Variants in USP6NL observed in about 807,000 individuals in gnomAD.
USP6NL encodes the protein USP6 N-terminal-like protein.
In USP6NL, 26 loss-of-function variants were observed where a neutral mutation model predicts 61.9. The observed-to-expected ratio is 0.42, with a 90% CI of 0.31 to 0.58. The LOEUF is 0.58. Ranked by LOEUF, USP6NL falls within the 20% of genes least tolerant of loss-of-function variation. USP6NL has a pLI of 0.16. For synonymous variants in USP6NL, 432 were observed against 390.1 expected (o/e 1.11, Z -1.27); for missense variants, 1,114 against 1,034.3 (o/e 1.08, Z -1.06).
In USP6NL at chr10:11,561,798, A is replaced by C. The variant is rs1176150311; in HGVS notation, c.5-34231T>G. Among the ~76,000 whole-genome samples the C allele has an allele frequency of 1.3e-5, 2 of 152,222 alleles. No homozygotes were observed. The highest frequency in any genetic ancestry group is 1.9e-4 in the East Asian group (1 of 5,202). On this transcript the variant is annotated intron_variant, in intron 2 of 14. Coordinates refer to ENST00000609104, the MANE Select transcript of USP6NL (RefSeq NM_014688.5). This position sits in a 1 kb window ranked among gnomAD's most constrained non-coding sequence, Gnocchi z 4.1. ...ACTTTTAATTTTGATAAAGAATACCAATTTGTTCTCTTACCAACAATATGT... is the reference window on the plus strand; with the variant it reads ...ACTTTTAATTTTGATAAAGAATACCCATTTGTTCTCTTACCAACAATATGT...
chr10:11,557,617 T>C (rs1022784929), intron 2 of USP6NL, among the ~76,000 whole-genome samples: 1 of 152,136 alleles, frequency 6.6e-6, no homozygotes, highest in Non-Finnish European at 1.5e-5. Flanking sequence ...GAATTGGAGT[T>C]AGTGAGTGTA....
chr10:11,564,279 G>A (rs1381844723), intron 2 of USP6NL: 1 of 152,122 alleles, frequency 6.6e-6, no homozygotes, highest in East Asian at 1.9e-4. Context: ...TCAAGATAGT[G>A]CTATAAACAT....
chr10:11,489,138 C>G lies in USP6NL; in HGVS notation c.628G>C (p.Val210Leu). 1 of 1,613,910 alleles carries G rather than the reference C, an allele frequency of 6.2e-7. No homozygotes were observed. Among genetic ancestry groups the G allele is most frequent in the East Asian group, 2.2e-5 (1 of 44,878 alleles). ...TGTTTAGGGCCTGAGAAGAGTTTGA[C>G]CAGGGCCCAGAAGGCATCTTCCTCG... ...MNEEDAFWAL[V>L]KLFSGPKHAM... Residue 210 changes from valine to leucine, a missense_variant, in exon 10 of 15, where the codon GTC becomes CTC. Val to Leu is a conservative substitution (Grantham distance 32). Transcript: ENST00000609104. The surrounding 1 kb of genome is among the most constrained non-coding windows in gnomAD (Gnocchi z 5.7).
chr10:11,590,465 T>A (rs1838126491), intron 2 of USP6NL, among the ~76,000 whole-genome samples: 1 of 152,206 alleles, frequency 6.6e-6, no homozygotes, highest in African/African-American at 2.4e-5. Context: ...AACTGGATGT[T>A]ACTTATGTGG....
At chr10:11,529,135 A>G (rs1032989106) in intron 2 of USP6NL, among the ~76,000 whole-genome samples, 1 of 152,174 alleles carries the variant, frequency 6.6e-6, no homozygotes, top group African/African-American at 2.4e-5. Flanking sequence ...AGCCAAATAT[A>G]GGTCTGATAA....
At chr10:11,498,080 T>C (rs1429762613) in intron 7 of USP6NL, among the ~76,000 whole-genome samples, 3 of 150,404 alleles carry the variant, frequency 2.0e-5, no homozygotes, top group African/African-American at 7.3e-5. Context: ...CTACTAAAAA[T>C]AGAAAACTTA....
At chr10:11,498,544 A>G (rs887144803) in intron 7 of USP6NL, among the ~76,000 whole-genome samples, 2 of 152,054 alleles carry the variant, frequency 1.3e-5, no homozygotes, top group Non-Finnish European at 2.9e-5. Flanking sequence ...AGATAAATAT[A>G]ATAAGGACAA....
intron 14 of USP6NL, among the ~76,000 whole-genome samples, chr10:11,480,673 C>T (rs1053513515): frequency 1.3e-5 from 2 of 152,206 alleles, no homozygotes; most frequent in African/African-American, 4.8e-5. Flanking sequence ...AAGCAAACAT[C>T]TTGGTTTTTA....
intron 2 of USP6NL, among the ~76,000 whole-genome samples, chr10:11,582,849 T>C (rs1837829516): frequency 6.6e-6 from 1 of 151,164 alleles, no homozygotes; most frequent in Non-Finnish European, 1.5e-5. Flanking sequence ...TTCACAACAA[T>C]GAGAAATTCT....
intron 5 of USP6NL, among the ~76,000 whole-genome samples, chr10:11,512,251 T>C (rs572521777): frequency 6.6e-6 from 1 of 152,348 alleles, no homozygotes; most frequent in South Asian, 2.1e-4. Flanking sequence ...TTCCCAAACA[T>C]GCTGCTAGTA....
intron 2 of USP6NL, among the ~76,000 whole-genome samples, chr10:11,550,493 C>T (rs1186587362): frequency 1.3e-5 from 2 of 152,118 alleles, no homozygotes; most frequent in Non-Finnish European, 2.9e-5. Context: ...CTGTGGCTCA[C>T]ACCTGTAATC....
At position 11,463,019 on chromosome 10, in the gene USP6NL, CGG is replaced by C; in HGVS notation, c.1907_1908del (p.Pro636ArgfsTer23). The stretch of plus-strand genomic sequence containing the variant: ...TGTTTGGGAGAGTTTCCGTGGTAAA[CGG>C]GGGGATTGCTGTAGGAGGGGGGATG... Reference protein sequence around the residue: ...LAHPPSYSNPPVYHGNSPKHF... With the variant: ...LAHPPSYSNPXVYHGNSPKHF... On this transcript the variant is annotated frameshift_variant, in exon 15 of 15. Coordinates refer to ENST00000609104, the MANE Select transcript of USP6NL (RefSeq NM_014688.5). LOFTEE classifies it low-confidence loss of function (END_TRUNC). This position sits in a 1 kb window ranked among gnomAD's most constrained non-coding sequence, Gnocchi z 6.3. The C allele has an allele frequency of 6.2e-7, 1 of 1,613,696 alleles. No homozygotes were observed. Among genetic ancestry groups the C allele is most frequent in the Non-Finnish European group, 8.5e-7 (1 of 1,179,824 alleles).
chr10:11,471,020 C>A (rs1297444081), intron 14 of USP6NL, among the ~76,000 whole-genome samples: 2 of 152,076 alleles, frequency 1.3e-5, no homozygotes, highest in Admixed American at 1.3e-4. Context: ...CCAGTCTCTA[C>A]TAAAAACACA....
At chr10:11,509,209 T>C (rs1350450990) in intron 6 of USP6NL, among the ~76,000 whole-genome samples, 1 of 152,168 alleles carries the variant, frequency 6.6e-6, no homozygotes, top group African/African-American at 2.4e-5. Flanking sequence ...GTATGATCTG[T>C]GGATACAAAG....
chr10:11,519,575 A>G (rs1835116443), intron 4 of USP6NL, among the ~76,000 whole-genome samples: 1 of 152,222 alleles, frequency 6.6e-6, no homozygotes, highest in South Asian at 2.1e-4. Flanking sequence ...GGTTGCAGTG[A>G]GCTGAGACCG....
intron 7 of USP6NL, among the ~76,000 whole-genome samples, chr10:11,498,826 C>G (rs1338893329): frequency 6.6e-6 from 1 of 152,066 alleles, no homozygotes; most frequent in Non-Finnish European, 1.5e-5. Context: ...TCCATGAAGT[C>G]TTCCTGAACC....
chr10:11,590,665 CAAG>C lies in USP6NL; in HGVS notation c.4+6963_4+6965del, dbSNP rs571800893. 1.4e-3 allele frequency among the ~76,000 whole-genome samples: 215 copies of C among 152,100 alleles called. 2 individuals are homozygous for C. Among genetic ancestry groups the C allele is most frequent in the African/African-American group, 4.9e-3 (204 of 41,482 alleles). ...TACATCAACTCTAATAACACAGATT[CAAG>C]AAGAAAACTGTAAAAATCAAACTCT... On this transcript the variant is annotated intron_variant, in intron 2 of 14. Transcript: ENST00000609104.
At chr10:11,521,801 G>A (rs1345348786) in intron 4 of USP6NL, among the ~76,000 whole-genome samples, 1 of 152,208 alleles carries the variant, frequency 6.6e-6, no homozygotes, top group African/African-American at 2.4e-5. Flanking sequence ...ATAAGTAGCT[G>A]AAAATCTGAA....
rs1591930776 is a variant in USP6NL at position 11,562,293 on chromosome 10, A to C, written c.5-34726T>G. 3 of 715,562 alleles carry C rather than the reference A, an allele frequency of 4.2e-6. No homozygotes were observed. Among genetic ancestry groups the C allele is most frequent in the Non-Finnish European group, 5.1e-6 (3 of 583,832 alleles). 44.3% of individuals were successfully genotyped at this position (715,562 alleles called of 1,614,324 possible). ...AAAAAAAAAAAATTGCATTCCCAGGACCCCCCTGCAGCTAGCAGCAGCCAT... is the reference window on the plus strand; with the variant it reads ...AAAAAAAAAAAATTGCATTCCCAGGCCCCCCCTGCAGCTAGCAGCAGCCAT... On this transcript the variant is annotated intron_variant, in intron 2 of 14. Transcript: ENST00000609104. The surrounding 1 kb of genome is among the most constrained non-coding windows in gnomAD (Gnocchi z 4.8).
Sources: allele counts gnomAD v4.1 joint callset (sites outside exome capture counted in the v4.1 genomes callset), GRCh38; gene constraint gnomAD v4.1.1; non-coding constraint Gnocchi (gnomAD v3.1); transcripts MANE v1.5; gene names NCBI Gene and HGNC (gene_info 2026-07-23, HGNC 2026-07-21).